Variants in PKD1 observed in about 807,000 individuals in gnomAD.
The protein encoded by PKD1 is polycystin-1.
Under a neutral mutation model 361.7 loss-of-function variants are expected in PKD1, and 81 were observed. The observed-to-expected ratio is 0.22, with a 90% CI of 0.19 to 0.27. The LOEUF is 0.27. Ranked by LOEUF, PKD1 falls within the 10% of genes least tolerant of loss-of-function variation. PKD1 has a pLI of 1.00. For synonymous variants in PKD1, 3,615 were observed against 2,818.3 expected (o/e 1.28, Z -8.95); for missense variants, 6,399 against 6,118.3 (o/e 1.05, Z -1.53).
Position 2,094,029 on chromosome 16 carries a change from C to T in PKD1, c.10619-16G>A. On this transcript the variant is annotated splice_polypyrimidine_tract_variant and intron_variant, in intron 35 of 45. Transcript: ENST00000262304. Reference sequence around the variant, plus strand: ...TCCACCAGTCCTGGGGAAGCAGAGACAGACCTGTGAGAGGCAGCTCACAGG... The same window carrying T: ...TCCACCAGTCCTGGGGAAGCAGAGATAGACCTGTGAGAGGCAGCTCACAGG... 1 of 1,591,782 alleles carries T rather than the reference C, an allele frequency of 6.3e-7. No individual in the cohort carries two copies. Among genetic ancestry groups the T allele is most frequent in the Non-Finnish European group, 8.5e-7 (1 of 1,169,902 alleles).
rs1323931644 is a variant in PKD1, at chr16:2,114,304, G to A, written c.2719C>T (p.His907Tyr). 1.5e-5 allele frequency: 24 copies of A among 1,610,432 alleles called. No homozygotes were observed. Among genetic ancestry groups the A allele is most frequent in the Non-Finnish European group, 1.6e-5 (19 of 1,179,696 alleles). The change falls in exon 11 of 46, where the codon CAC becomes TAC. Residue 907 changes from histidine to tyrosine, a missense_variant. His to Tyr is a moderately conservative substitution (Grantham distance 83). Coordinates refer to ENST00000262304, the MANE Select transcript of PKD1 (RefSeq NM_001009944.3). The part of the protein sequence containing the change: ...VALPWLSEGE[H>Y]VVDVVVENSA... ...TTTTCCACCACCACGTCCACCACGT[G>A]CTCCCCCTCACTGAGCCACGGCAGT...
intron 8 of PKD1, 35 bp downstream of exon 8, chr16:2,116,494 G>C (rs779427256): frequency 2.5e-6 from 3 of 1,186,890 alleles, no homozygotes; most frequent in African/African-American, 3.0e-5. Context: ...GGGGCAGGCA[G>C]GAGGGCAGGT....
chr16:2,091,725 G>C, intron 41 of PKD1, 56 bp downstream of exon 41: 2 of 1,597,030 alleles, frequency 1.3e-6, no homozygotes, highest in South Asian at 2.2e-5. Context: ...AGTGAGGGTG[G>C]GCTCCTGGCT....
chr16:2,117,179 G>A (rs768747848), intron 6 of PKD1, 126 bp from the exon 7 acceptor site: 73 of 660,926 alleles, frequency 1.1e-4, no homozygotes, highest in Middle Eastern at 4.1e-4. Context: ...CTCAGAGCCC[G>A]GAGACCAGGG....
In PKD1 at chr16:2,091,548, G is replaced by A. The variant is rs1312694298; in HGVS notation, c.11587C>T (p.Leu3863=). The A allele has an allele frequency of 1.3e-6, 2 of 1,524,718 alleles. No homozygotes were observed. The highest frequency in any genetic ancestry group is 2.5e-5 in the East Asian group (1 of 40,778). The allele number at this position is 1,524,718 out of a possible 1,614,324, so 94.4% of individuals were successfully genotyped here. A position where few individuals can be genotyped will look rare whatever the true frequency, so the allele number is the denominator to read the frequency against. The change falls in exon 42 of 46, where the codon CTG becomes TTG. Residue 3863 remains leucine (L), a synonymous_variant. Coordinates refer to ENST00000262304, the MANE Select transcript of PKD1 (RefSeq NM_001009944.3). ...AGGCGCAGCGTGACGGCGGCGTGCAGCCCCACGGCCGGGCTGTAGCGCGTG... is the reference window on the plus strand; with the variant it reads ...AGGCGCAGCGTGACGGCGGCGTGCAACCCCACGGCCGGGCTGTAGCGCGTG... ...ELTRYSPAVG[L]HAAVTLRLEF... is the part of the protein sequence containing the mutation.
chr16:2,133,790 C>A (rs2092916954), intron 1 of PKD1, among the ~76,000 whole-genome samples: 1 of 151,446 alleles, frequency 6.6e-6, no homozygotes, highest in Non-Finnish European at 1.5e-5. Flanking sequence ...CGGAATCTTG[C>A]CAGCTCAGGC....
At chr16:2,103,056 C>G in intron 23 of PKD1, 86 bp from the exon 24 acceptor site, 1 of 1,473,644 alleles carries the variant, frequency 6.8e-7, no homozygotes, top group Non-Finnish European at 9.3e-7. Flanking sequence ...AGCCCACCCT[C>G]TGCCACGGGC....
chr16:2,097,999 C>T lies in PKD1; in HGVS notation c.10051-15G>A, dbSNP rs1423996601. ...CTCCCAGCCACCTGCAGGACGAGGG[C>T]AGTGGTCAGCGGGCGGCAGCTCAGA... On this transcript the variant is annotated splice_polypyrimidine_tract_variant and intron_variant, in intron 30 of 45. Coordinates refer to ENST00000262304, the MANE Select transcript of PKD1 (RefSeq NM_001009944.3). 1.3e-6 allele frequency: 2 copies of T among 1,495,516 alleles called. No homozygotes were observed. Among genetic ancestry groups the T allele is most frequent in the African/African-American group, 1.4e-5 (1 of 72,646 alleles). 92.6% of individuals were successfully genotyped at this position (1,495,516 alleles called of 1,614,324 possible). A position where few individuals can be genotyped will look rare whatever the true frequency, so the allele number is the denominator to read the frequency against.
Position 2,130,289 on chromosome 16 carries a change from C to G in PKD1, c.215+5186G>C, listed in dbSNP as rs767818382. On this transcript the variant is annotated intron_variant, in intron 1 of 45. Transcript: ENST00000262304. ...CTGCCAGGGCTCTTCCTAGAAGACA[C>G]AGGCCTCTCCTAGGCTCTCCTGACA... 1.2e-3 allele frequency among the ~76,000 whole-genome samples: 180 copies of G among 152,278 alleles called. 1 individual carries two copies. Among genetic ancestry groups the G allele is most frequent in the Non-Finnish European group, 2.4e-3 (160 of 68,012 alleles).
In PKD1 at chr16:2,090,862, C is replaced by A. The variant is rs371927623; in HGVS notation, c.12003+22G>T. 8.7e-6 allele frequency: 14 copies of A among 1,607,532 alleles called. No individual in the cohort carries two copies. The African/African-American group carries it at 1.5e-4, about 17-fold the overall frequency. On this transcript the variant is annotated intron_variant, in intron 43 of 45. Coordinates refer to ENST00000262304, the MANE Select transcript of PKD1 (RefSeq NM_001009944.3). ...GCCCTGGGGTGTGCGCCCAGCCCCGCGCCCACCGGCCCAGCCCTCACCTTG... is the reference window on the plus strand; with the variant it reads ...GCCCTGGGGTGTGCGCCCAGCCCCGAGCCCACCGGCCCAGCCCTCACCTTG...
intron 23 of PKD1, 45 bp from the exon 24 acceptor site, chr16:2,103,015 C>T (rs375440756): frequency 1.3e-4 from 209 of 1,592,242 alleles, no homozygotes; most frequent in Non-Finnish European, 1.7e-4. Context: ...GAAGCTCAAC[C>T]ACCCGGGGGA....
rs1201010352 is a variant in PKD1, at chr16:2,109,587, G to A, written c.5580C>T (p.Gly1860=). The A allele has an allele frequency of 6.2e-6, 10 of 1,611,386 alleles. No individual in the cohort carries two copies. The highest frequency in any genetic ancestry group is 1.7e-5 in the Admixed American group (1 of 59,926). Residue 1860 remains glycine (G), a synonymous_variant, in exon 15 of 46, where the codon GGC becomes GGT. Transcript: ENST00000262304. ...AGGCATTGAGCCGGATGGAGAAGGT[G>A]CCAGCATCCGGGAAGACCATGGTGA... ...PHVTMVFPDA[G]TFSIRLNASN...
chr16:2,107,667 C>T (rs900142422), intron 16 of PKD1: 39 of 629,128 alleles, frequency 6.2e-5, no homozygotes, highest in Non-Finnish European at 1.0e-4. Context: ...TAGCTTTTGC[C>T]ACTAGAGCAT....
At chr16:2,128,631 A>G (rs1414152981) in intron 1 of PKD1, among the ~76,000 whole-genome samples, 1 of 152,198 alleles carries the variant, frequency 6.6e-6, no homozygotes, top group African/African-American at 2.4e-5. Context: ...GTGATGAGGT[A>G]TGGAGAGACA....
At position 2,097,329 on chromosome 16, in the gene PKD1, G is replaced by A. The variant is rs1363762131; in HGVS notation, c.10395C>T (p.Phe3465=). 3 of 1,612,894 alleles carry A rather than the reference G, an allele frequency of 1.9e-6. No homozygotes were observed. The highest frequency in any genetic ancestry group is 1.7e-6 in the Non-Finnish European group (2 of 1,179,962). ...CTCACCCCAGCTCACCTGATGCTGA[G>A]AAGGATTTGGCAGGCGAGTAGGGGC... ...LASPYSPAKS[F]SASDEDLIQQ... is the part of the protein sequence containing the mutation. Residue 3465 remains phenylalanine (F), a synonymous_variant, in exon 33 of 46, where the codon TTC becomes TTT. Coordinates refer to ENST00000262304, the MANE Select transcript of PKD1 (RefSeq NM_001009944.3).
In PKD1 at chr16:2,088,875, G is replaced by C; in HGVS notation, c.*852C>G. On this transcript the variant is annotated 3_prime_UTR_variant, in exon 46 of 46. Coordinates refer to ENST00000262304, the MANE Select transcript of PKD1 (RefSeq NM_001009944.3). ...GGCCATACAGCACACTCGCGCGTGC[G>C]CGCGCGCACACACACACACACACAG... The C allele has an allele frequency of 2.0e-6, 1 of 487,886 alleles. No homozygotes were observed. The highest frequency in any genetic ancestry group is 3.6e-6 in the Non-Finnish European group (1 of 277,076). The allele number at this position is 487,886 out of a possible 1,614,324, so 30.2% of individuals were successfully genotyped here.
Position 2,088,750 on chromosome 16 carries a change from CG to C in PKD1, c.*976del, listed in dbSNP as rs202247051. On this transcript the variant is annotated 3_prime_UTR_variant, in exon 46 of 46. Coordinates refer to ENST00000262304, the MANE Select transcript of PKD1 (RefSeq NM_001009944.3). ...TTTTATTGACTTTGTCTGCTTGGTG[CG>C]GGGGTTGGGGGGGTGTCGAGGCTCT... 0.019 allele frequency: 23,272 copies of C among 1,219,064 alleles called. 338 individuals carry two copies. The highest frequency in any genetic ancestry group is 0.022 in the Non-Finnish European group (19,808 of 883,918). The allele number at this position is 1,219,064 out of a possible 1,614,324, so 75.5% of individuals were successfully genotyped here. A position where few individuals can be genotyped will look rare whatever the true frequency, so the allele number is the denominator to read the frequency against.
chr16:2,098,428 TTGG>T (rs1487715327), intron 30 of PKD1, among the ~76,000 whole-genome samples: 21 of 148,108 alleles, frequency 1.4e-4, no homozygotes, highest in African/African-American at 5.0e-4. Context: ...CAGGCTGGTC[TTGG>T]AACTCCTGAC....
intron 34 of PKD1, 85 bp downstream of exon 34, chr16:2,097,063 A>AAACC: frequency 1.3e-6 from 1 of 780,524 alleles, no homozygotes; most frequent in Non-Finnish European, 2.1e-6. Flanking sequence ...ACCCCACCCT[A>AAACC]CCCCAGGCGG....
Sources: allele counts gnomAD v4.1 joint callset (sites outside exome capture counted in the v4.1 genomes callset), GRCh38; gene constraint gnomAD v4.1.1; transcripts MANE v1.5; gene names NCBI Gene and HGNC (gene_info 2026-07-23, HGNC 2026-07-21).